The following MACROD2 variants were observed in gnomAD, a reference collection of about 807,000 sequenced individuals.
MACROD2 encodes the protein ADP-ribose glycohydrolase MACROD2.
A neutral mutation model predicts 70.4 loss-of-function variants in MACROD2; 36 were observed. That is an observed-to-expected ratio of 0.51 (90% confidence interval 0.39 to 0.68). The LOEUF is 0.68. Ranked by LOEUF, MACROD2 falls within the 30% of genes least tolerant of loss-of-function variation. MACROD2 has a pLI of 0.00. For missense variants in MACROD2, 496 were observed against 538.4 expected (o/e 0.92, Z 0.78); for synonymous variants, 172 against 178.8 (o/e 0.96, Z 0.30).
intron 15 of MACROD2, among the ~76,000 whole-genome samples, chr20:16,003,818 G>C (rs2066748938): frequency 6.6e-6 from 1 of 152,102 alleles, no homozygotes; most frequent in Non-Finnish European, 1.5e-5. Flanking sequence ...TTACAGGCAA[G>C]CACCACCACG....
chr20:15,617,683 T>G (rs988471197), intron 8 of MACROD2, among the ~76,000 whole-genome samples: 1 of 152,210 alleles, frequency 6.6e-6, no homozygotes, highest in African/African-American at 2.4e-5. Flanking sequence ...GCATATCAAC[T>G]ACGTGCCAGG....
rs1005877515 is a variant in MACROD2, at chr20:15,311,762, A to G, written c.540+81701A>G. Reference sequence around the variant, plus strand: ...TACTCACAAACATAAAGATGACACAATCGACACTGGGGACTACTAGAGTGG... The same window carrying G: ...TACTCACAAACATAAAGATGACACAGTCGACACTGGGGACTACTAGAGTGG... On this transcript the variant is annotated intron_variant, in intron 6 of 17. Transcript: ENST00000684519. Among the ~76,000 whole-genome samples the G allele has an allele frequency of 3.9e-5, 6 of 152,132 alleles. No homozygotes were observed. In the East Asian group the frequency reaches 5.8e-4, roughly 15 times the overall value.
intron 5 of MACROD2, among the ~76,000 whole-genome samples, chr20:14,798,148 C>T (rs2072532724): frequency 6.6e-6 from 1 of 151,944 alleles, no homozygotes; most frequent in Non-Finnish European, 1.5e-5. Context: ...ATTATTGTTA[C>T]CATCGATAAC....
intron 5 of MACROD2, among the ~76,000 whole-genome samples, chr20:14,788,941 G>A (rs1049404488): frequency 6.6e-6 from 1 of 151,618 alleles, no homozygotes; most frequent in Non-Finnish European, 1.5e-5. Flanking sequence ...GCTAATTTTT[G>A]TATTTTTAAT....
intron 3 of MACROD2, among the ~76,000 whole-genome samples, chr20:14,346,352 A>G (rs183337257): frequency 1.1e-3 from 162 of 152,240 alleles, no homozygotes; most frequent in Non-Finnish European, 1.6e-3. Flanking sequence ...TGTGGCTCAC[A>G]TTCTATCAAT....
chr20:14,030,208 T>A (rs1232705782), intron 2 of MACROD2, among the ~76,000 whole-genome samples: 1 of 152,110 alleles, frequency 6.6e-6, no homozygotes, highest in Non-Finnish European at 1.5e-5. Context: ...GTGGCTATTT[T>A]TTTATTTTTT....
chr20:14,497,465 G>A (rs982521351), intron 4 of MACROD2, among the ~76,000 whole-genome samples: 3 of 151,746 alleles, frequency 2.0e-5, no homozygotes, highest in African/African-American at 7.3e-5. Flanking sequence ...CAGAACTGAA[G>A]AGCTAATTCC....
At chr20:15,410,404 C>T (rs565324860) in intron 6 of MACROD2, among the ~76,000 whole-genome samples, 6 of 152,206 alleles carry the variant, frequency 3.9e-5, no homozygotes, top group African/African-American at 1.2e-4. Context: ...TACCTTCCTT[C>T]GGTATATTTG....
intron 5 of MACROD2, among the ~76,000 whole-genome samples, chr20:14,835,888 C>T (rs1474202018): frequency 6.6e-6 from 1 of 152,028 alleles, no homozygotes. Context: ...CACTCTTCCG[C>T]ATGTAGCTTA....
At chr20:15,068,319 T>C (rs1366867362) in intron 5 of MACROD2, among the ~76,000 whole-genome samples, 1 of 152,232 alleles carries the variant, frequency 6.6e-6, no homozygotes, top group Admixed American at 6.5e-5. Context: ...ACATTGTATA[T>C]AGTTTAAAAA....
chr20:15,603,884 A>T (rs535940644), intron 8 of MACROD2, among the ~76,000 whole-genome samples: 2 of 151,940 alleles, frequency 1.3e-5, no homozygotes, highest in African/African-American at 4.8e-5. Context: ...TAATTGTTTT[A>T]AAAAAATGTA....
intron 2 of MACROD2, among the ~76,000 whole-genome samples, chr20:14,041,828 CTCT>C (rs1444768744): frequency 1.3e-5 from 2 of 152,188 alleles, no homozygotes; most frequent in African/African-American, 4.8e-5. Context: ...CTGTTCCTCT[CTCT>C]TCTTTACCAC....
chr20:15,151,582 G>A (rs1026370295), intron 5 of MACROD2, among the ~76,000 whole-genome samples: 2 of 151,906 alleles, frequency 1.3e-5, no homozygotes, highest in Non-Finnish European at 2.9e-5. Flanking sequence ...AGAATAAGAC[G>A]GCCTTTTCAC....
intron 3 of MACROD2, among the ~76,000 whole-genome samples, chr20:14,142,830 T>C (rs1386953284): frequency 6.6e-6 from 1 of 152,184 alleles, no homozygotes; most frequent in Non-Finnish European, 1.5e-5. Flanking sequence ...GAATAAATGT[T>C]ATCTGAGATT....
At chr20:16,002,415 G>A (rs1219009487) in intron 15 of MACROD2, among the ~76,000 whole-genome samples, 4 of 152,156 alleles carry the variant, frequency 2.6e-5, no homozygotes, top group African/African-American at 4.8e-5. Context: ...AGAGAAGAAT[G>A]TCCTGGAGTG....
chr20:15,407,765 AAC>A (rs2046023456), intron 6 of MACROD2, among the ~76,000 whole-genome samples: 1 of 152,208 alleles, frequency 6.6e-6, no homozygotes, highest in African/African-American at 2.4e-5. Context: ...ATACTTTTGA[AAC>A]ACTGCCTATC....
chr20:14,910,466 G>T (rs910523978), intron 5 of MACROD2, among the ~76,000 whole-genome samples: 3 of 151,970 alleles, frequency 2.0e-5, no homozygotes, highest in African/African-American at 7.2e-5. Context: ...AACAAATAAA[G>T]AAAAAAAGAA....
In MACROD2 at chr20:14,548,526, G is replaced by A. The variant is rs1269323514; in HGVS notation, c.301+55018G>A. 1.6e-4 allele frequency among the ~76,000 whole-genome samples: 3 copies of A among 18,288 alleles called. 1 individual carries two copies. The highest frequency in any genetic ancestry group is 4.3e-4 in the Non-Finnish European group (3 of 6,928). 12.0% of individuals were successfully genotyped at this position (18,288 alleles called of 152,430 possible). A position where few individuals can be genotyped will look rare whatever the true frequency, so the allele number is the denominator to read the frequency against. On this transcript the variant is annotated intron_variant, in intron 4 of 17. Coordinates refer to ENST00000684519, the MANE Select transcript of MACROD2 (RefSeq NM_001351661.2). The stretch of plus-strand genomic sequence containing the variant: ...GAGGTCAGGAGATCGAGACCATCCC[G>A]GCTAAAACGGTGAAACCCCGTCTCT...
At chr20:15,607,672 T>C (rs1461618508) in intron 8 of MACROD2, among the ~76,000 whole-genome samples, 1 of 152,208 alleles carries the variant, frequency 6.6e-6, no homozygotes, top group Non-Finnish European at 1.5e-5. Context: ...TAGCTGGGAT[T>C]ACAGGTGCTC....
Sources: gnomAD v4.1 joint callset for allele counts (sites outside exome capture counted in the v4.1 genomes callset) on GRCh38, gnomAD v4.1.1 for gene constraint, MANE v1.5 for transcripts, NCBI Gene and HGNC (gene_info 2026-07-23, HGNC 2026-07-21) for gene names.